Variants in DLG2 observed in about 807,000 individuals in gnomAD.
DLG2 encodes the protein discs large MAGUK scaffold protein 2, also known as disks large homolog 2.
A neutral mutation model predicts 132.5 loss-of-function variants in DLG2; 45 were observed. That is an observed-to-expected ratio of 0.34 (90% CI 0.27 to 0.44). DLG2 has a LOEUF of 0.44. Ranked by LOEUF, DLG2 falls within the 20% of genes least tolerant of loss-of-function variation. DLG2 has a pLI of 1.00. For missense variants in DLG2, 1,045 were observed against 1,196.9 expected (o/e 0.87, Z 1.87); for synonymous variants, 424 against 419.6 (o/e 1.01, Z -0.13).
intron 7 of DLG2, among the ~76,000 whole-genome samples, chr11:84,407,464 G>C (rs1474258967): frequency 2.0e-5 from 3 of 152,068 alleles, no homozygotes; most frequent in Non-Finnish European, 4.4e-5. Context: ...CATACATTTT[G>C]GATTTCATTC....
chr11:83,634,236 A>G (rs562262869), intron 18 of DLG2, among the ~76,000 whole-genome samples: 7 of 152,206 alleles, frequency 4.6e-5, no homozygotes, highest in Non-Finnish European at 8.8e-5. Context: ...GGATAAAAAA[A>G]TCAAAGAAAT....
intron 6 of DLG2, among the ~76,000 whole-genome samples, chr11:84,891,725 T>C (rs867816072): frequency 6.6e-6 from 1 of 152,238 alleles, no homozygotes; most frequent in African/African-American, 2.4e-5. Flanking sequence ...TAAAATATAT[T>C]TTGGACCCAG....
chr11:84,527,893 TTCTCTCTCTCTCTCTCTC>T (rs60170305), intron 7 of DLG2, among the ~76,000 whole-genome samples: 50 of 125,666 alleles, frequency 4.0e-4, no homozygotes, highest in Admixed American at 8.2e-4. Context: ...CTCCCTCCCT[TTCTCTCTCTCTCTCTCTC>T]TCTCTCTCTC....
chr11:85,267,884 A>ATGTGTG (rs35082133), intron 4 of DLG2, among the ~76,000 whole-genome samples: 3,509 of 148,292 alleles, frequency 0.024, 51 homozygotes, highest in Non-Finnish European at 0.035. Flanking sequence ...TGACTTTTGT[A>ATGTGTG]TGTGTGTGTG....
intron 18 of DLG2, among the ~76,000 whole-genome samples, chr11:83,707,391 C>T (rs1323062051): frequency 2.0e-5 from 3 of 152,184 alleles, no homozygotes; most frequent in Admixed American, 6.5e-5. Context: ...CACTGTTGGC[C>T]GGGCTCAGTG....
At chr11:84,761,957 C>T (rs1438851406) in intron 6 of DLG2, among the ~76,000 whole-genome samples, 1 of 152,118 alleles carries the variant, frequency 6.6e-6, no homozygotes, top group Non-Finnish European at 1.5e-5. Context: ...TCCTTGGTTT[C>T]ATTTCATTTC....
chr11:83,528,058 C>T (rs145963037), intron 21 of DLG2, among the ~76,000 whole-genome samples: 6 of 152,238 alleles, frequency 3.9e-5, no homozygotes, highest in African/African-American at 1.4e-4. Context: ...CCCAGGGGAG[C>T]TTGACTGCAT....
intron 6 of DLG2, among the ~76,000 whole-genome samples, chr11:85,099,296 G>T (rs1358250769): frequency 6.6e-6 from 1 of 152,166 alleles, no homozygotes; most frequent in Non-Finnish European, 1.5e-5. Context: ...ATCTAATGAG[G>T]TGAGTCTGAG....
intron 15 of DLG2, among the ~76,000 whole-genome samples, chr11:83,893,908 C>A (rs1224098968): frequency 6.6e-6 from 1 of 152,104 alleles, no homozygotes; most frequent in African/African-American, 2.4e-5. Flanking sequence ...AGTCAAACAC[C>A]CTGCTGGAAA....
intron 7 of DLG2, among the ~76,000 whole-genome samples, chr11:84,366,671 G>C (rs2098684750): frequency 6.6e-6 from 1 of 152,066 alleles, no homozygotes; most frequent in African/African-American, 2.4e-5. Flanking sequence ...CCTAGTCTCT[G>C]ATAAAACAGA....
At chr11:84,799,875 A>C (rs17741089) in intron 6 of DLG2, among the ~76,000 whole-genome samples, 63,881 of 152,008 alleles carry the variant, frequency 0.42, 15,580 homozygotes, top group Non-Finnish European at 0.57. Context: ...AAGCAGTAAC[A>C]GTAATAAATA....
intron 10 of DLG2, among the ~76,000 whole-genome samples, chr11:84,085,404 T>G (rs2096962432): frequency 1.3e-5 from 2 of 152,182 alleles, no homozygotes; most frequent in South Asian, 4.1e-4. Flanking sequence ...TTATCACCAC[T>G]TAAAGCTGCA....
chr11:85,244,185 C>T (rs2076026474), intron 4 of DLG2, among the ~76,000 whole-genome samples: 1 of 151,980 alleles, frequency 6.6e-6, no homozygotes, highest in South Asian at 2.1e-4. Flanking sequence ...AAAGTTTCTA[C>T]TGCATTATTT....
rs539180811 is a variant in DLG2 at position 85,020,950 on chromosome 11, T to C, written c.357+90711A>G. The C allele has an allele frequency of 3.9e-6, 3 of 776,170 alleles. No individual in the cohort carries two copies. The East Asian group carries it at 7.3e-5, about 19-fold the overall frequency. 48.1% of individuals were successfully genotyped at this position (776,170 alleles called of 1,614,324 possible). On this transcript the variant is annotated intron_variant, in intron 6 of 27. Coordinates refer to ENST00000376104, the MANE Select transcript of DLG2 (RefSeq NM_001142699.3). The stretch of plus-strand genomic sequence containing the variant: ...CCGCCCTCAGACTCCAACTTCACAT[T>C]AGTCTCATCTTTCTTCACGGAGCTG...
intron 18 of DLG2, among the ~76,000 whole-genome samples, chr11:83,735,397 G>C (rs1185795148): frequency 2.0e-5 from 3 of 152,158 alleles, no homozygotes; most frequent in African/African-American, 7.2e-5. Flanking sequence ...CTCCCAGTTT[G>C]GGGGCAAGAT....
intron 7 of DLG2, among the ~76,000 whole-genome samples, chr11:84,508,431 A>C (rs1476484458): frequency 1.4e-5 from 2 of 144,166 alleles, no homozygotes; most frequent in African/African-American, 5.2e-5. Context: ...TTTTAGACAG[A>C]GTCTCGCTGT....
chr11:83,816,152 T>C (rs931239027), intron 17 of DLG2, among the ~76,000 whole-genome samples: 13 of 152,148 alleles, frequency 8.5e-5, no homozygotes, highest in Non-Finnish European at 1.6e-4. Flanking sequence ...GTGGAACATA[T>C]AGCTTAGATA....
At chr11:83,685,558 G>T (rs879191230) in intron 18 of DLG2, among the ~76,000 whole-genome samples, 1 of 151,964 alleles carries the variant, frequency 6.6e-6, no homozygotes, top group African/African-American at 2.4e-5. Flanking sequence ...TTTGCTGGGC[G>T]CTTCTCTGCT....
At chr11:85,245,242 T>G (rs979500792) in intron 4 of DLG2, among the ~76,000 whole-genome samples, 2 of 151,950 alleles carry the variant, frequency 1.3e-5, no homozygotes, top group Non-Finnish European at 2.9e-5. Context: ...ACATCTTCTG[T>G]TGTATATCTA....
Sources: gnomAD v4.1 joint callset for allele counts (sites outside exome capture counted in the v4.1 genomes callset) on GRCh38, gnomAD v4.1.1 for gene constraint, MANE v1.5 for transcripts, NCBI Gene and HGNC (gene_info 2026-07-23, HGNC 2026-07-21) for gene names.